The following LZTR1 variants were observed in gnomAD, a reference collection of about 807,000 sequenced individuals.
LZTR1 encodes the protein leucine zipper like post translational regulator 1, also known as leucine-zipper-like transcriptional regulator 1.
LZTR1 carries 260 observed loss-of-function variants against 105.7 expected under a neutral mutation model. The ratio of observed to expected loss-of-function variants is 2.46; its 90% CI spans 2.22 to 2.72. The LOEUF is 2.72. Ranked by LOEUF, LZTR1 falls within the 30% of genes most tolerant of loss-of-function variation. The pLI, the probability that LZTR1 is intolerant of heterozygous loss-of-function variation, is 0.00. For missense variants in LZTR1, 1,214 were observed against 1,166.9 expected (o/e 1.04, Z -0.59); for synonymous variants, 490 against 476.4 (o/e 1.03, Z -0.37).
At chr22:20,995,704 G>C in intron 16 of LZTR1, 42 bp from the exon 17 acceptor site, 1 of 1,610,130 alleles carries the variant, frequency 6.2e-7, no homozygotes, top group South Asian at 1.1e-5. Context: ...CCCAAGGCCA[G>C]AATCCCAGGC....
chr22:20,990,760 T>C (rs375804742), intron 8 of LZTR1: 15 of 503,380 alleles, frequency 3.0e-5, no homozygotes, highest in African/African-American at 2.9e-4. Context: ...TAGGCCTCCC[T>C]CTGAACGTGA....
At position 20,988,093 on chromosome 22, in the gene LZTR1, T is replaced by C. The variant is rs1278639893; in HGVS notation, c.484T>C (p.Trp162Arg). The change falls in exon 5 of 21, where the codon TGG (tryptophan) becomes CGG (arginine). Residue 162 changes from tryptophan (W) to arginine (R), a missense_variant. Trp to Arg is a moderately radical substitution (Grantham distance 101, BLOSUM62 -3). Coordinates refer to ENST00000646124, the MANE Select transcript of LZTR1 (RefSeq NM_006767.4). The stretch of plus-strand genomic sequence containing the variant: ...TGAATACAAGTTTGCAACTGGCCAG[T>C]GGACGGAGTGGAAAATTGAAGGACG... ...LFEYKFATGQ[W>R]TEWKIEGRLP... 2 of 1,610,800 alleles carry C rather than the reference T, an allele frequency of 1.2e-6. No individual in the cohort carries two copies. Among genetic ancestry groups the C allele is most frequent in the Non-Finnish European group, 1.7e-6 (2 of 1,177,142 alleles).
In LZTR1 at chr22:20,996,128, A is replaced by G. The variant is rs1924837803; in HGVS notation, c.2219+16A>G. 6.2e-7 allele frequency: 1 copy of G among 1,609,566 alleles called. No individual in the cohort carries two copies. Among genetic ancestry groups the G allele is most frequent in the African/African-American group, 1.3e-5 (1 of 74,876 alleles). On this transcript the variant is annotated intron_variant, in intron 18 of 20. Transcript: ENST00000646124. ...AGGACTCGCTGCATCCTCACTCCCC[A>G]GTGAACTCCCAGGTCCCCACCAAGG...
chr22:20,983,036 G>A lies in LZTR1; in HGVS notation c.210G>A (p.Lys70=), dbSNP rs13054014. Residue 70 remains lysine (K), a synonymous_variant, in exon 2 of 21, where the codon AAG becomes AAA. Transcript: ENST00000646124. The stretch of plus-strand genomic sequence containing the variant: ...ACTCCTTTCTTTCCAGGCGCAGCAA[G>A]CACACAGTGGTGGCCTATAAAGATG... ...CDEFVGARRS[K]HTVVAYKDAI... is the part of the protein sequence containing the mutation. 0.27 allele frequency: 431,256 copies of A among 1,612,828 alleles called. 59,450 individuals carry two copies. Among genetic ancestry groups the A allele is most frequent in the Admixed American group, 0.38 (23,035 of 60,020 alleles).
In LZTR1 at chr22:20,996,055, AG is replaced by A; in HGVS notation, c.2163del (p.Glu721AspfsTer46). The A allele has an allele frequency of 6.2e-7, 1 of 1,613,488 alleles. No individual in the cohort carries two copies. The highest frequency in any genetic ancestry group is 8.5e-7 in the Non-Finnish European group (1 of 1,180,018). On this transcript the variant is annotated frameshift_variant, in exon 18 of 21. Transcript: ENST00000646124. LOFTEE classifies it high-confidence loss of function. The part of the protein sequence containing the change: ...GEMVPSRQAF[E>X]SMLRYIYYGE... ...ATGGTGCCCAGCAGGCAGGCCTTCG[AG>A]TCCATGCTGCGCTACATCTACTACG...
intron 7 of LZTR1, among the ~76,000 whole-genome samples, chr22:20,990,042 G>A (rs1924547013): frequency 6.6e-6 from 1 of 152,284 alleles, no homozygotes. Context: ...GCTATCCAGT[G>A]TCCTGCTCCC....
At chr22:20,993,870 G>A in intron 12 of LZTR1, 54 bp from the exon 13 acceptor site, 1 of 1,583,804 alleles carries the variant, frequency 6.3e-7, no homozygotes, top group Non-Finnish European at 8.6e-7. Flanking sequence ...CTGGGTCTCT[G>A]TTCTCTGGGG....
In LZTR1 at chr22:20,982,413, G is replaced by A. The variant is rs1446469999; in HGVS notation, c.42G>A (p.Ala14=). The A allele has an allele frequency of 1.2e-5, 19 of 1,569,732 alleles. No homozygotes were observed. The highest frequency in any genetic ancestry group is 1.6e-5 in the Non-Finnish European group (18 of 1,156,930). The change falls in exon 1 of 21, where the codon GCG becomes GCA. Residue 14 remains alanine, a synonymous_variant. Transcript: ENST00000646124. The stretch of plus-strand genomic sequence containing the variant: ...GCACGGGGGGGCAGATCGGGGCTGC[G>A]GCCCTGGCAGGCGGCGCGCGGTCCA... ...PGSTGGQIGA[A]ALAGGARSKV...
intron 20 of LZTR1, 87 bp downstream of exon 20, chr22:20,997,053 C>T (rs1439592307): frequency 2.1e-6 from 3 of 1,409,454 alleles, no homozygotes; most frequent in African/African-American, 1.4e-5. Context: ...CTCTGTGGTC[C>T]CCTGCAGTGG....
In LZTR1 at chr22:20,988,499, T is replaced by A. The variant is rs115221086; in HGVS notation, c.510-290T>A. Reference sequence around the variant, plus strand: ...AAATGTTCAATAAGATCCAATGTACTGCTGATGGCGCTTCTGGGGTCCCGC... The same window carrying A: ...AAATGTTCAATAAGATCCAATGTACAGCTGATGGCGCTTCTGGGGTCCCGC... On this transcript the variant is annotated intron_variant, in intron 5 of 20. Transcript: ENST00000646124. Among the ~76,000 whole-genome samples, 492 of 152,354 alleles carry A rather than the reference T, an allele frequency of 3.2e-3. 3 individuals are homozygous for A. Among genetic ancestry groups the A allele is most frequent in the African/African-American group, 0.011 (470 of 41,582 alleles).
chr22:20,994,581 A>G lies in LZTR1; in HGVS notation c.1639A>G (p.Ile547Val), dbSNP rs762489564. ...AGGCCATGTGGAGGATGTGCTGCTC[A>G]TCATGGATGTGTACAAACTGGCACT... ...RKGHVEDVLLIMDVYKLALSF... is the reference protein window; with the variant it reads ...RKGHVEDVLLVMDVYKLALSF... The change falls in exon 15 of 21, where the codon ATC (isoleucine) becomes GTC (valine). Residue 547 changes from isoleucine to valine, a missense_variant. Ile to Val is a conservative substitution (Grantham distance 29). Coordinates refer to ENST00000646124, the MANE Select transcript of LZTR1 (RefSeq NM_006767.4). 3 of 1,611,598 alleles carry G rather than the reference A, an allele frequency of 1.9e-6. No individual in the cohort carries two copies. The highest frequency in any genetic ancestry group is 2.5e-6 in the Non-Finnish European group (3 of 1,179,956).
rs1469540056 is a variant in LZTR1 at position 20,982,433 on chromosome 22, G to C, written c.62G>C (p.Arg21Pro). The C allele has an allele frequency of 6.3e-7, 1 of 1,582,614 alleles. No homozygotes were observed. Among genetic ancestry groups the C allele is most frequent in the Non-Finnish European group, 8.6e-7 (1 of 1,164,042 alleles). Residue 21 changes from arginine (R) to proline (P), a missense_variant, in exon 1 of 21, where the codon CGG becomes CCG. By Grantham distance (103) the Arg-to-Pro change is moderately radical. Coordinates refer to ENST00000646124, the MANE Select transcript of LZTR1 (RefSeq NM_006767.4). Reference sequence around the variant, plus strand: ...GCTGCGGCCCTGGCAGGCGGCGCGCGGTCCAAGGTAGCCCCGAGCGTGGAC... The same window carrying C: ...GCTGCGGCCCTGGCAGGCGGCGCGCCGTCCAAGGTAGCCCCGAGCGTGGAC... ...IGAAALAGGA[R>P]SKVAPSVDFD...
chr22:20,990,448 C>G lies in LZTR1; in HGVS notation c.714C>G (p.Asp238Glu). ...ACTTCCCCGTGGCTGTGTGCCGGGA[C>G]AAGATGTTTGTATTCTCTGGGCAAA... is the stretch of plus-strand genomic sequence containing the variant. ...CCNFPVAVCR[D>E]KMFVFSGQSG... Residue 238 changes from aspartate to glutamate, a missense_variant, in exon 8 of 21, where the codon GAC becomes GAG. Asp to Glu is a conservative substitution (Grantham distance 45). Coordinates refer to ENST00000646124, the MANE Select transcript of LZTR1 (RefSeq NM_006767.4). 1 of 1,614,086 alleles carries G rather than the reference C, an allele frequency of 6.2e-7. No homozygotes were observed. The highest frequency in any genetic ancestry group is 8.5e-7 in the Non-Finnish European group (1 of 1,179,998).
At chr22:20,995,929 T>G in intron 17 of LZTR1, 34 bp from the exon 18 acceptor site, 3 of 1,613,346 alleles carry the variant, frequency 1.9e-6, no homozygotes, top group Non-Finnish European at 2.5e-6. Flanking sequence ...TTCGTTCTGC[T>G]GACGGCCAGG....
Position 20,992,252 on chromosome 22 carries a change from C to G in LZTR1, c.1032C>G (p.Ser344=), listed in dbSNP as rs375479373. ...GAEVPERACA[S]EEVPTLTYEE... Reference sequence around the variant, plus strand: ...AAGTGCCCGAGCGAGCCTGTGCTTCCGAGGAGGTGCCCACCCTGACCTATG... The same window carrying G: ...AAGTGCCCGAGCGAGCCTGTGCTTCGGAGGAGGTGCCCACCCTGACCTATG... Residue 344 remains serine (S), a synonymous_variant, in exon 10 of 21, where the codon TCC becomes TCG. Transcript: ENST00000646124. 2 of 1,613,980 alleles carry G rather than the reference C, an allele frequency of 1.2e-6. No homozygotes were observed. Among genetic ancestry groups the G allele is most frequent in the South Asian group, 2.2e-5 (2 of 91,084 alleles).
rs1409419929 is a variant in LZTR1 at position 20,996,027 on chromosome 22, G to C, written c.2134G>C (p.Glu712Gln). 1.2e-6 allele frequency: 2 copies of C among 1,613,722 alleles called. No individual in the cohort carries two copies. Among genetic ancestry groups the C allele is most frequent in the Admixed American group, 3.3e-5 (2 of 60,028 alleles). The change falls in exon 18 of 21, where the codon GAG becomes CAG. Residue 712 changes from glutamate to glutamine, a missense_variant. Coordinates refer to ENST00000646124, the MANE Select transcript of LZTR1 (RefSeq NM_006767.4). ...EDGQVNISIGEMVPSRQAFES... is the reference protein window; with the variant it reads ...EDGQVNISIGQMVPSRQAFES... ...TGGGCAGGTGAACATCTCCATCGGG[G>C]AGATGGTGCCCAGCAGGCAGGCCTT... is the stretch of plus-strand genomic sequence containing the variant.
At position 20,997,256 on chromosome 22, in the gene LZTR1, T is replaced by G; in HGVS notation, c.2431T>G (p.Ser811Ala). The G allele has an allele frequency of 6.2e-7, 1 of 1,613,836 alleles. No individual in the cohort carries two copies. Among genetic ancestry groups the G allele is most frequent in the South Asian group, 1.1e-5 (1 of 91,082 alleles). ...GGTCTCCAAGTTGCCCACCCTGCGGTCGCTGAGCCAGCAGCTGCTGCTGGA... is the reference window on the plus strand; with the variant it reads ...GGTCTCCAAGTTGCCCACCCTGCGGGCGCTGAGCCAGCAGCTGCTGCTGGA... ...TKVSKLPTLR[S>A]LSQQLLLDII... The change falls in exon 21 of 21, where the codon TCG becomes GCG. Residue 811 changes from serine to alanine, a missense_variant. Transcript: ENST00000646124.
In LZTR1 at chr22:20,993,921, C is replaced by G. The variant is rs771602353; in HGVS notation, c.1354-3C>G. On this transcript the variant is annotated splice_polypyrimidine_tract_variant and splice_region_variant and intron_variant, in intron 12 of 20. Coordinates refer to ENST00000646124, the MANE Select transcript of LZTR1 (RefSeq NM_006767.4). ...CTCTGCCAGTGCATCATTCTTTGTGCAGAAGGAGGAGTGCGTGCAGGGCCA... is the reference window on the plus strand; with the variant it reads ...CTCTGCCAGTGCATCATTCTTTGTGGAGAAGGAGGAGTGCGTGCAGGGCCA... 1 of 1,611,122 alleles carries G rather than the reference C, an allele frequency of 6.2e-7. No homozygotes were observed. Among genetic ancestry groups the G allele is most frequent in the Non-Finnish European group, 8.5e-7 (1 of 1,179,464 alleles).
In LZTR1 at chr22:20,985,775, C is replaced by G. The variant is rs1924357742; in HGVS notation, c.264-66C>G. On this transcript the variant is annotated intron_variant, in intron 2 of 20. Transcript: ENST00000646124. Reference sequence around the variant, plus strand: ...TACTCTACCCTGGCTACATGCAGTGCCCATCTCTGGGGTCACTGCAGAGTA... The same window carrying G: ...TACTCTACCCTGGCTACATGCAGTGGCCATCTCTGGGGTCACTGCAGAGTA... The G allele has an allele frequency of 4.9e-5, 71 of 1,450,806 alleles. No homozygotes were observed. The South Asian group carries it at 7.3e-4, about 15-fold the overall frequency. The allele number at this position is 1,450,806 out of a possible 1,614,324, so 89.9% of individuals were successfully genotyped here.
Sources: gnomAD v4.1 joint callset for allele counts (sites outside exome capture counted in the v4.1 genomes callset) on GRCh38, gnomAD v4.1.1 for gene constraint, MANE v1.5 for transcripts, NCBI Gene and HGNC (gene_info 2026-07-23, HGNC 2026-07-21) for gene names.